The following LRP1 variants were observed in gnomAD, a reference collection of about 807,000 sequenced individuals.
The protein encoded by LRP1 is prolow-density lipoprotein receptor-related protein 1.
Under a neutral mutation model 541.5 loss-of-function variants are expected in LRP1, and 51 were observed. That is an observed-to-expected ratio of 0.09 (90% CI 0.08 to 0.12). The LOEUF (loss-of-function observed/expected upper bound fraction) is 0.12. Ranked by LOEUF, LRP1 falls within the 10% of genes least tolerant of loss-of-function variation. LRP1 has a pLI of 1.00. For synonymous variants in LRP1, 2,219 were observed against 2,470.8 expected (o/e 0.90, Z 3.02); for missense variants, 3,878 against 6,376.2 (o/e 0.61, Z 13.34).
In LRP1 at chr12:57,128,941, C is replaced by T. The variant is rs1290921001; in HGVS notation, c.-24C>T. The T allele has an allele frequency of 6.5e-7, 1 of 1,539,044 alleles. No homozygotes were observed. Among genetic ancestry groups the T allele is most frequent in the Non-Finnish European group, 8.8e-7 (1 of 1,137,192 alleles). On this transcript the variant is annotated 5_prime_UTR_variant, in exon 1 of 89. Transcript: ENST00000243077. ...AGTAGCAGGACCAGAGGGGAAGGGGCTGCTGCTTGCATCAGCCCACACCAT... is the reference window on the plus strand; with the variant it reads ...AGTAGCAGGACCAGAGGGGAAGGGGTTGCTGCTTGCATCAGCCCACACCAT...
rs577229328 is a variant in LRP1 at position 57,165,509 on chromosome 12, G to A, written c.2531-296G>A. The A allele has an allele frequency of 5.3e-4, 147 of 277,470 alleles. No homozygotes were observed. The highest frequency in any genetic ancestry group is 8.1e-4 in the Non-Finnish European group (118 of 146,078). The allele number at this position is 277,470 out of a possible 1,614,324, so 17.2% of individuals were successfully genotyped here. ...GGAGAAGTCAGGGAAGGAGTGGGGAGAGCCTGTTCGGTGGTGACAGAGGTA... is the reference window on the plus strand; with the variant it reads ...GGAGAAGTCAGGGAAGGAGTGGGGAAAGCCTGTTCGGTGGTGACAGAGGTA... On this transcript the variant is annotated intron_variant, in intron 15 of 88. Coordinates refer to ENST00000243077, the MANE Select transcript of LRP1 (RefSeq NM_002332.3). The surrounding 1 kb of genome is among the most constrained non-coding windows in gnomAD (Gnocchi z 4.5).
In LRP1 at chr12:57,185,334, C is replaced by T. The variant is rs550468319; in HGVS notation, c.6463+129C>T. On this transcript the variant is annotated intron_variant, in intron 40 of 88. Transcript: ENST00000243077. The surrounding 1 kb of genome is among the most constrained non-coding windows in gnomAD (Gnocchi z 4.9). ...ACCCATGGGGCAACTTCCGATGGCC[C>T]GAGAGACCCAGGGATGGGGAGGAAA... 3.2e-5 allele frequency: 45 copies of T among 1,415,126 alleles called. No homozygotes were observed. The East Asian group carries it at 5.1e-4, about 16-fold the overall frequency. 87.7% of individuals were successfully genotyped at this position (1,415,126 alleles called of 1,614,324 possible).
At chr12:57,149,838 C>T in intron 6 of LRP1, 2 of 688,556 alleles carry the variant, frequency 2.9e-6, no homozygotes, top group Admixed American at 2.0e-5. Flanking sequence ...GCCAGGAGGT[C>T]TCCTTCCCAC....
At chr12:57,208,858 G>A (rs1210064070) in intron 78 of LRP1, 41 bp downstream of exon 78, 1 of 1,516,988 alleles carries the variant, frequency 6.6e-7, no homozygotes. Context: ...CATGGAGGGG[G>A]CCCGGCTCGC....
At chr12:57,199,447 G>C in intron 61 of LRP1, 47 bp downstream of exon 61, 1 of 1,572,856 alleles carries the variant, frequency 6.4e-7, no homozygotes, top group Non-Finnish European at 8.6e-7. Flanking sequence ...GCCAGGCACC[G>C]GGGTCCCTGG....
Position 57,195,574 on chromosome 12 carries a change from AG to A in LRP1, c.8438-82del, listed in dbSNP as rs2036513891. 12 of 1,603,806 alleles carry A rather than the reference AG, an allele frequency of 7.5e-6. No individual in the cohort carries two copies. In the South Asian group the frequency reaches 1.3e-4, roughly 18 times the overall value. On this transcript the variant is annotated intron_variant, in intron 52 of 88. Transcript: ENST00000243077. ...CATCCAGTGCCCTGCCCACTCTACC[AG>A]GAGAACCACAGGAGGTTAGAGTGAG...
At chr12:57,169,036 G>A (rs1233924826) in intron 19 of LRP1, 104 bp from the exon 20 acceptor site, 3 of 951,840 alleles carry the variant, frequency 3.2e-6, no homozygotes, top group East Asian at 4.9e-5. Context: ...GGGGGTTAGG[G>A]TGGGCTGAGG....
Position 57,143,809 on chromosome 12 carries a change from G to T in LRP1, c.448+11G>T, listed in dbSNP as rs749935296. On this transcript the variant is annotated intron_variant, in intron 4 of 88. Coordinates refer to ENST00000243077, the MANE Select transcript of LRP1 (RefSeq NM_002332.3). Reference sequence around the variant, plus strand: ...GCAAGACCTGCAAAGGTATGTGAGTGCATGTGCCTGTGTGCATGTGTGTGT... The same window carrying T: ...GCAAGACCTGCAAAGGTATGTGAGTTCATGTGCCTGTGTGCATGTGTGTGT... 2 of 1,611,582 alleles carry T rather than the reference G, an allele frequency of 1.2e-6. No individual in the cohort carries two copies. The highest frequency in any genetic ancestry group is 1.7e-5 in the Admixed American group (1 of 59,860).
At chr12:57,182,664 A>G (rs2036188276) in intron 34 of LRP1, among the ~76,000 whole-genome samples, 1 of 151,854 alleles carries the variant, frequency 6.6e-6, no homozygotes, top group South Asian at 2.1e-4. Context: ...TAAAAATACA[A>G]AATTAGCCGG....
At position 57,209,076 on chromosome 12, in the gene LRP1, T is replaced by C; in HGVS notation, c.12146-7T>C. On this transcript the variant is annotated splice_region_variant and splice_polypyrimidine_tract_variant and intron_variant, in intron 78 of 88. Transcript: ENST00000243077. ...CCAAGCTCTCACAGTGCTCTCTCTC[T>C]CCCCAGGCCTGGCCGTGGATTATCA... is the stretch of plus-strand genomic sequence containing the variant. 1 of 1,607,774 alleles carries C rather than the reference T, an allele frequency of 6.2e-7. No homozygotes were observed. The highest frequency in any genetic ancestry group is 8.5e-7 in the Non-Finnish European group (1 of 1,174,936).
In LRP1 at chr12:57,138,599, A is replaced by T; in HGVS notation, c.190+18A>T. The T allele has an allele frequency of 6.2e-7, 1 of 1,613,426 alleles. No individual in the cohort carries two copies. Among genetic ancestry groups the T allele is most frequent in the Non-Finnish European group, 8.5e-7 (1 of 1,179,616 alleles). The stretch of plus-strand genomic sequence containing the variant: ...TGAGATTTGTAAGTACCTTTTCTGG[A>T]TTCTTCTCCCCAAACCCTTAACTTA... On this transcript the variant is annotated intron_variant, in intron 2 of 88. Transcript: ENST00000243077.
intron 41 of LRP1, among the ~76,000 whole-genome samples, chr12:57,186,609 A>G (rs1412694955): frequency 6.6e-6 from 1 of 152,146 alleles, no homozygotes; most frequent in Non-Finnish European, 1.5e-5. Context: ...TCCAGCCTGC[A>G]TGTCTGTCTA....
Position 57,209,210 on chromosome 12 carries a change from G to A in LRP1, c.12262+11G>A, listed in dbSNP as rs774952102. On this transcript the variant is annotated intron_variant, in intron 79 of 88. Transcript: ENST00000243077. ...CTGACAGCAAACGAGGTCAGAGCCCGGCATAAGTCGCAGTCCCCAGCCCTG... is the reference window on the plus strand; with the variant it reads ...CTGACAGCAAACGAGGTCAGAGCCCAGCATAAGTCGCAGTCCCCAGCCCTG... The A allele has an allele frequency of 7.0e-5, 113 of 1,608,238 alleles. No individual in the cohort carries two copies. The highest frequency in any genetic ancestry group is 8.2e-5 in the Non-Finnish European group (96 of 1,175,154).
rs773131700 is a variant in LRP1 at position 57,205,581 on chromosome 12, G to C, written c.11494G>C (p.Gly3832Arg). The part of the protein sequence containing the change: ...CQDINECLRF[G>R]TCSQLCNNTK... ...AGACATCAACGAGTGCCTGCGCTTC[G>C]GCACCTGCTCCCAGCTCTGCAACAA... The change falls in exon 75 of 89, where the codon GGC (glycine) becomes CGC (arginine). Residue 3832 changes from glycine (G) to arginine (R), a missense_variant. Physicochemically the swap from Gly to Arg is moderately radical, Grantham distance 125 (BLOSUM62 -2). This residue lies in a region of LRP1 where 871 missense variants were observed against 1,212.4 expected (regional missense o/e 0.72). Coordinates refer to ENST00000243077, the MANE Select transcript of LRP1 (RefSeq NM_002332.3). The surrounding 1 kb of genome is among the most constrained non-coding windows in gnomAD (Gnocchi z 4.6). The C allele has an allele frequency of 6.2e-7, 1 of 1,613,936 alleles. No homozygotes were observed. The highest frequency in any genetic ancestry group is 8.5e-7 in the Non-Finnish European group (1 of 1,180,014).
chr12:57,180,237 G>C, intron 31 of LRP1, 93 bp from the exon 32 acceptor site: 2 of 1,579,780 alleles, frequency 1.3e-6, no homozygotes, highest in Non-Finnish European at 1.7e-6. Flanking sequence ...CCTCCCCAGA[G>C]CCCTAGCTTA....
At chr12:57,175,133 GC>G (rs962705297) in intron 22 of LRP1, among the ~76,000 whole-genome samples, 6 of 152,106 alleles carry the variant, frequency 3.9e-5, no homozygotes, top group African/African-American at 1.4e-4. Context: ...TCCCAGGGAG[GC>G]AAAAAGCTGG....
intron 22 of LRP1, among the ~76,000 whole-genome samples, chr12:57,174,263 T>C (rs1005159091): frequency 1.2e-4 from 19 of 152,022 alleles, no homozygotes; most frequent in Non-Finnish European, 1.5e-5. Context: ...CATGGAGGGG[T>C]TCCATAGTGG....
In LRP1 at chr12:57,185,526, C is replaced by T. The variant is rs1364311000; in HGVS notation, c.6464-5C>T. ...CCCTGCCCTCTGTACCCTCCCCTCC[C>T]CCAGGCACCAACGTGTGCGCGGTGG... is the stretch of plus-strand genomic sequence containing the variant. On this transcript the variant is annotated splice_region_variant and splice_polypyrimidine_tract_variant and intron_variant, in intron 40 of 88. Transcript: ENST00000243077. This position sits in a 1 kb window ranked among gnomAD's most constrained non-coding sequence, Gnocchi z 4.9. 4.4e-6 allele frequency: 7 copies of T among 1,580,252 alleles called. No homozygotes were observed. Among genetic ancestry groups the T allele is most frequent in the Non-Finnish European group, 6.0e-6 (7 of 1,160,728 alleles).
At chr12:57,161,828 T>C (rs1342778990) in intron 13 of LRP1, among the ~76,000 whole-genome samples, 1 of 152,170 alleles carries the variant, frequency 6.6e-6, no homozygotes, top group Non-Finnish European at 1.5e-5. Context: ...ATCACCCGTA[T>C]GTGCCCTATC....
Sources: allele counts gnomAD v4.1 joint callset (sites outside exome capture counted in the v4.1 genomes callset), GRCh38; gene constraint gnomAD v4.1.1; regional missense constraint gnomAD v4.1.1; non-coding constraint Gnocchi (gnomAD v3.1); transcripts MANE v1.5; gene names NCBI Gene and HGNC (gene_info 2026-07-23, HGNC 2026-07-21).